Variants in KLHL29 observed in about 807,000 individuals in gnomAD.
The protein encoded by KLHL29 is kelch like family member 29, also known as kelch-like protein 29.
KLHL29 carries 21 observed loss-of-function variants against 80.4 expected under a neutral mutation model. The observed-to-expected ratio is 0.26, with a 90% CI of 0.19 to 0.38. KLHL29 has a LOEUF of 0.38. Ranked by LOEUF, KLHL29 falls within the 10% of genes least tolerant of loss-of-function variation. KLHL29 has a pLI of 1.00. For synonymous variants in KLHL29, 511 were observed against 526.8 expected, an observed-to-expected ratio of 0.97 and a Z score of 0.41; for missense variants, 867 against 1,223.9, an observed-to-expected ratio of 0.71 and a Z score of 4.35.
chr2:23,451,971 A>C (rs889727360), intron 1 of KLHL29, among the ~76,000 whole-genome samples: 4 of 152,114 alleles, frequency 2.6e-5, no homozygotes, highest in Admixed American at 2.6e-4. Flanking sequence ...GCAGGCTGTC[A>C]CATGACGAGA....
chr2:23,399,269 C>T (rs1317853423), intron 1 of KLHL29, among the ~76,000 whole-genome samples: 1 of 152,184 alleles, frequency 6.6e-6, no homozygotes, highest in Non-Finnish European at 1.5e-5. Context: ...CCCTTCCATG[C>T]CTAGCTGGAT....
intron 2 of KLHL29, among the ~76,000 whole-genome samples, chr2:23,523,302 A>T (rs746044367): frequency 1.3e-5 from 2 of 152,174 alleles, no homozygotes; most frequent in Non-Finnish European, 2.9e-5. Flanking sequence ...GAGTTTTCCA[A>T]CCCCTCTTAT....
chr2:23,470,373 G>A (rs531207346), intron 1 of KLHL29, among the ~76,000 whole-genome samples: 2 of 152,200 alleles, frequency 1.3e-5, no homozygotes, highest in Non-Finnish European at 2.9e-5. Context: ...GGAGGCCCAG[G>A]AACAAAAGCC....
chr2:23,561,761 C>T (rs1667452870), intron 2 of KLHL29, among the ~76,000 whole-genome samples: 2 of 152,040 alleles, frequency 1.3e-5, no homozygotes, highest in Admixed American at 6.6e-5. Flanking sequence ...CATCCTATCA[C>T]GTGTTGGAGG....
chr2:23,544,889 C>A (rs1195044880), intron 2 of KLHL29, among the ~76,000 whole-genome samples: 2 of 152,132 alleles, frequency 1.3e-5, no homozygotes, highest in Non-Finnish European at 2.9e-5. Flanking sequence ...ACCAGGGCCT[C>A]ATGGGTCTTA....
At chr2:23,405,281 A>G (rs1309678330) in intron 1 of KLHL29, among the ~76,000 whole-genome samples, 3 of 152,082 alleles carry the variant, frequency 2.0e-5, no homozygotes, top group Non-Finnish European at 4.4e-5. Context: ...ATTGTTTATT[A>G]TTTTACGGAC....
At chr2:23,391,521 G>A (rs144743357) in intron 1 of KLHL29, among the ~76,000 whole-genome samples, 14 of 152,150 alleles carry the variant, frequency 9.2e-5, no homozygotes, top group East Asian at 7.7e-4. Context: ...TCTGCCTCCC[G>A]CGTTCAAGGG....
intron 1 of KLHL29, among the ~76,000 whole-genome samples, chr2:23,396,952 T>C (rs1458527610): frequency 1.3e-5 from 2 of 152,212 alleles, no homozygotes; most frequent in Non-Finnish European, 2.9e-5. Flanking sequence ...CGCTTTTTTT[T>C]CTCTGTATAA....
chr2:23,502,471 G>A (rs1008681871), intron 2 of KLHL29, among the ~76,000 whole-genome samples: 1 of 152,212 alleles, frequency 6.6e-6, no homozygotes, highest in Admixed American at 6.5e-5. Context: ...CCTTTTGGGG[G>A]GCCCCAGATT....
intron 11 of KLHL29, among the ~76,000 whole-genome samples, chr2:23,702,269 GAACATCATAGTTCAGCCAGCTTACCTTA>G (rs1390289261): frequency 1.3e-5 from 2 of 152,100 alleles, no homozygotes; most frequent in African/African-American, 4.8e-5. Flanking sequence ...CTGCCCTACT[GAACATCATAGTTCAGCCAGCTTACCTTA>G]AACATGCTCT....
chr2:23,567,923 A>G (rs1161771229), intron 3 of KLHL29, among the ~76,000 whole-genome samples: 1 of 152,234 alleles, frequency 6.6e-6, no homozygotes, highest in African/African-American at 2.4e-5. Context: ...ACATTGTGAG[A>G]TAACACAACC....
At chr2:23,580,269 G>A (rs1477167348) in intron 3 of KLHL29, among the ~76,000 whole-genome samples, 2 of 152,104 alleles carry the variant, frequency 1.3e-5, no homozygotes, top group Non-Finnish European at 2.9e-5. Context: ...CTACTCTGGA[G>A]GCTGAGGCAG....
chr2:23,679,536 A>T (rs1312111100), intron 5 of KLHL29, among the ~76,000 whole-genome samples: 1 of 151,692 alleles, frequency 6.6e-6, no homozygotes, highest in Non-Finnish European at 1.5e-5. Context: ...GCCAGCCAAG[A>T]TTCAAAGGGT....
At chr2:23,439,594 G>A (rs552739966) in intron 1 of KLHL29, among the ~76,000 whole-genome samples, 2 of 152,282 alleles carry the variant, frequency 1.3e-5, no homozygotes, top group Non-Finnish European at 2.9e-5. Flanking sequence ...GGAGCAGCTT[G>A]TTCAGTTTCC....
In KLHL29 at chr2:23,696,190, C is replaced by T; in HGVS notation, c.1924+57C>T. 9 of 1,515,340 alleles carry T rather than the reference C, an allele frequency of 5.9e-6. No homozygotes were observed. Among genetic ancestry groups the T allele is most frequent in the South Asian group, 2.5e-5 (2 of 80,434 alleles). The allele number at this position is 1,515,340 out of a possible 1,614,324, so 93.9% of individuals were successfully genotyped here. A position where few individuals can be genotyped will look rare whatever the true frequency, so the allele number is the denominator to read the frequency against. Reference sequence around the variant, plus strand: ...GCATGGGGGTCCCAAGGGGACTGCTCCCCACGTCAGGGCTGAGGAAGGCCA... The same window carrying T: ...GCATGGGGGTCCCAAGGGGACTGCTTCCCACGTCAGGGCTGAGGAAGGCCA... On this transcript the variant is annotated intron_variant, in intron 10 of 13. Coordinates refer to ENST00000486442, the MANE Select transcript of KLHL29 (RefSeq NM_052920.2). This position sits in a 1 kb window ranked among gnomAD's most constrained non-coding sequence, Gnocchi z 5.5.
intron 2 of KLHL29, among the ~76,000 whole-genome samples, chr2:23,498,475 C>T (rs960973): frequency 0.41 from 62,825 of 152,090 alleles, 13,519 homozygotes; most frequent in Non-Finnish European, 0.46. Context: ...GCCCTCCCTG[C>T]CAAGCAGGGA....
At chr2:23,616,391 C>T (rs1032879847) in intron 3 of KLHL29, 1 of 152,154 alleles carries the variant, frequency 6.6e-6, no homozygotes, top group African/African-American at 2.4e-5. Context: ...AAAGGAGAAA[C>T]ACGCACACAC....
chr2:23,705,089 A>G (rs1363941784), intron 13 of KLHL29, among the ~76,000 whole-genome samples: 3 of 152,228 alleles, frequency 2.0e-5, no homozygotes, highest in Middle Eastern at 6.3e-3. Flanking sequence ...CATGTACCCT[A>G]ATGGTGGCAG....
At chr2:23,421,105 A>G (rs971921351) in intron 1 of KLHL29, among the ~76,000 whole-genome samples, 2 of 152,104 alleles carry the variant, frequency 1.3e-5, no homozygotes, top group African/African-American at 2.4e-5. Context: ...AGGCAGGGTG[A>G]CTCGCTCAGT....
Sources: gnomAD v4.1 joint callset for allele counts (sites outside exome capture counted in the v4.1 genomes callset) on GRCh38, gnomAD v4.1.1 for gene constraint, Gnocchi (gnomAD v3.1) non-coding constraint, MANE v1.5 for transcripts, NCBI Gene and HGNC (gene_info 2026-07-23, HGNC 2026-07-21) for gene names.